HYAL4: variants seen among roughly 807,000 people sequenced by gnomAD.
HYAL4 encodes hyaluronidase-4.
HYAL4 carries 37 observed loss-of-function variants against 35.2 expected under a neutral mutation model. The observed-to-expected ratio is 1.05, with a 90% CI of 0.81 to 1.38. The LOEUF is 1.38. Among genes scored for constraint, HYAL4 ranks in the 40% most tolerant of loss-of-function variants. The pLI is 0.00. For synonymous variants in HYAL4, 198 were observed against 203.2 expected, an observed-to-expected ratio of 0.97 and a Z score of 0.22; for missense variants, 572 against 572.4, an observed-to-expected ratio of 1.00 and a Z score of 0.01.
At chr7:123,785,321 A>T in the HYAL4 span, among the ~76,000 whole-genome samples, 6 of 152,284 alleles carry the variant, frequency 3.9e-5, no homozygotes, top group African/African-American at 1.4e-4. This position sits in a 1 kb window ranked among gnomAD's most constrained non-coding sequence, Gnocchi z 4.5. Flanking sequence ...TTTGGGGCTC[A>T]AGTGGTTCTC....
In HYAL4 at chr7:123,868,325, C is replaced by T. The variant is rs754637131; in HGVS notation, c.52C>T (p.His18Tyr). The part of the protein sequence containing the change: ...QLKLCVVQPV[H>Y]LTSWLLIFFI... Reference sequence around the variant, plus strand: ...AAAGCTTTGTGTTGTTCAACCAGTACATCTCACTTCATGGCTCCTTATATT... The same window carrying T: ...AAAGCTTTGTGTTGTTCAACCAGTATATCTCACTTCATGGCTCCTTATATT... Residue 18 changes from histidine to tyrosine, a missense_variant, in exon 3 of 5, where the codon CAT (histidine) becomes TAT (tyrosine). By Grantham distance (83) the His-to-Tyr change is moderately conservative. Transcript: ENST00000223026. 1 of 1,591,346 alleles carries T rather than the reference C, an allele frequency of 6.3e-7. No homozygotes were observed. The highest frequency in any genetic ancestry group is 1.2e-5 in the South Asian group (1 of 86,148).
At chr7:123,848,761 TA>T (rs1371694229) in intron 2 of HYAL4, among the ~76,000 whole-genome samples, 1 of 152,220 alleles carries the variant, frequency 6.6e-6, no homozygotes, top group Non-Finnish European at 1.5e-5. Context: ...TAGTTATACT[TA>T]CCATGATGGT....
chr7:123,788,880 T>G, the HYAL4 span, among the ~76,000 whole-genome samples: 1 of 152,244 alleles, frequency 6.6e-6, no homozygotes, highest in Non-Finnish European at 1.5e-5. Context: ...AAGCCAATTT[T>G]CAAGCCTGTT....
At chr7:123,778,640 G>C in the HYAL4 span, among the ~76,000 whole-genome samples, 1 of 152,100 alleles carries the variant, frequency 6.6e-6, no homozygotes, top group African/African-American at 2.4e-5. Context: ...CAAAAGTGAA[G>C]TTGTGATCTC....
the HYAL4 span, chr7:123,814,803 C>G: frequency 7.8e-6 from 1 of 127,614 alleles, no homozygotes; most frequent in Non-Finnish European, 1.8e-5. Context: ...AATCCAGAGA[C>G]GTACACAGGT....
the HYAL4 span, among the ~76,000 whole-genome samples, chr7:123,786,988 A>G: frequency 8.6e-5 from 13 of 151,794 alleles, no homozygotes; most frequent in South Asian, 2.1e-3. Context: ...GGCACCTGTA[A>G]TCACCGCTAC....
chr7:123,835,019 A>G (rs1477174082), intron 1 of HYAL4, among the ~76,000 whole-genome samples: 3 of 152,008 alleles, frequency 2.0e-5, no homozygotes, highest in Non-Finnish European at 1.5e-5. Flanking sequence ...TATGCTCATC[A>G]GTAATATTGG....
rs1806798396 is a variant in HYAL4 at position 123,869,164 on chromosome 7, TCTGC to T, written c.895_898del (p.Pro299TyrfsTer7). On this transcript the variant is annotated frameshift_variant, in exon 3 of 5. Coordinates refer to ENST00000223026, the MANE Select transcript of HYAL4 (RefSeq NM_012269.3). LOFTEE classifies it high-confidence loss of function. ...CCACCATGACATCTCATGATTATGC[TCTGC>T]CTGTATTTGTCTACACAAGGCTAGG... The T allele has an allele frequency of 6.2e-7, 1 of 1,614,128 alleles. No homozygotes were observed. The highest frequency in any genetic ancestry group is 1.3e-5 in the African/African-American group (1 of 75,076).
Position 123,869,128 on chromosome 7 carries a change from C to T in HYAL4, c.855C>T (p.Ser285=). Residue 285 remains serine (S), a synonymous_variant, in exon 3 of 5, where the codon TCC becomes TCT. Coordinates refer to ENST00000223026, the MANE Select transcript of HYAL4 (RefSeq NM_012269.3). ...LRFSKFRVHE[S]MRISTMTSHD... Reference sequence around the variant, plus strand: ...TCTCCAAATTTCGGGTGCATGAATCCATGAGGATCTCCACCATGACATCTC... The same window carrying T: ...TCTCCAAATTTCGGGTGCATGAATCTATGAGGATCTCCACCATGACATCTC... 6.2e-7 allele frequency: 1 copy of T among 1,614,150 alleles called. No individual in the cohort carries two copies. Among genetic ancestry groups the T allele is most frequent in the Non-Finnish European group, 8.5e-7 (1 of 1,180,022 alleles).
intron 2 of HYAL4, among the ~76,000 whole-genome samples, chr7:123,854,318 G>C (rs1040729475): frequency 6.6e-6 from 1 of 152,096 alleles, no homozygotes; most frequent in African/African-American, 2.4e-5. Context: ...TGATGTTAGG[G>C]TGTCGGTTTT....
upstream of HYAL4, among the ~76,000 whole-genome samples, chr7:123,826,953 C>T (rs753997794): frequency 7.2e-5 from 11 of 152,046 alleles, no homozygotes; most frequent in Non-Finnish European, 1.5e-4. Flanking sequence ...TTGGCTTATG[C>T]TGAGATGGGG....
chr7:123,778,785 C>T, the HYAL4 span, among the ~76,000 whole-genome samples: 1 of 152,156 alleles, frequency 6.6e-6, no homozygotes, highest in Non-Finnish European at 1.5e-5. Flanking sequence ...TAGAGAGACA[C>T]TTTGACAATT....
upstream of HYAL4, among the ~76,000 whole-genome samples, chr7:123,824,503 G>T (rs1415817225): frequency 6.6e-6 from 1 of 152,148 alleles, no homozygotes; most frequent in East Asian, 1.9e-4. Flanking sequence ...GCCATTTAGT[G>T]GCTGACTTTT....
chr7:123,793,087 G>A, the HYAL4 span, among the ~76,000 whole-genome samples: 2 of 152,174 alleles, frequency 1.3e-5, no homozygotes, highest in Admixed American at 1.3e-4. Flanking sequence ...CAAGGTATGT[G>A]TCTGAGCATC....
chr7:123,837,122 A>AT (rs1287970409), intron 1 of HYAL4, among the ~76,000 whole-genome samples: 1 of 152,108 alleles, frequency 6.6e-6, no homozygotes, highest in Non-Finnish European at 1.5e-5. Context: ...TTCTCTCAGC[A>AT]TTTGTTTGTC....
chr7:123,765,108 TTTAA>T, the HYAL4 span, among the ~76,000 whole-genome samples: 6 of 152,214 alleles, frequency 3.9e-5, no homozygotes, highest in African/African-American at 1.2e-4. Flanking sequence ...TGTGTTAATT[TTTAA>T]TTAATAAAAA....
the HYAL4 span, among the ~76,000 whole-genome samples, chr7:123,765,762 A>G: frequency 6.6e-6 from 1 of 152,136 alleles, no homozygotes; most frequent in Admixed American, 6.5e-5. Flanking sequence ...CTTAGTCTTC[A>G]TATTTATTAA....
chr7:123,789,753 T>C, the HYAL4 span, among the ~76,000 whole-genome samples: 1 of 152,180 alleles, frequency 6.6e-6, no homozygotes, highest in Non-Finnish European at 1.5e-5. Flanking sequence ...CAATAGGACG[T>C]ATACATGAAT....
At chr7:123,793,820 G>A in the HYAL4 span, among the ~76,000 whole-genome samples, 2 of 152,208 alleles carry the variant, frequency 1.3e-5, no homozygotes, top group Admixed American at 1.3e-4. Flanking sequence ...ACCACAGAGA[G>A]TGGGGTGCTG....
Sources: gnomAD v4.1 joint callset for allele counts (sites outside exome capture counted in the v4.1 genomes callset) on GRCh38, gnomAD v4.1.1 for gene constraint, Gnocchi (gnomAD v3.1) non-coding constraint, MANE v1.5 for transcripts, NCBI Gene and HGNC (gene_info 2026-07-23, HGNC 2026-07-21) for gene names.